Variants in EYA1 observed in about 807,000 individuals in gnomAD.
The protein encoded by EYA1 is EYA transcriptional coactivator and phosphatase 1, also known as protein phosphatase EYA1.
A neutral mutation model predicts 82.0 loss-of-function variants in EYA1; 16 were observed. The ratio of observed to expected loss-of-function variants is 0.20; its 90% CI spans 0.13 to 0.30. EYA1 has a LOEUF of 0.30. EYA1 is among the 10% of genes least tolerant of loss of function. The pLI is 1.00. For synonymous variants in EYA1, 261 were observed against 264.4 expected (o/e 0.99, Z 0.12); for missense variants, 633 against 730.7 (o/e 0.87, Z 1.54).
At chr8:71,443,485 T>C (rs901507661) in intron 2 of EYA1, among the ~76,000 whole-genome samples, 2 of 152,214 alleles carry the variant, frequency 1.3e-5, no homozygotes, top group African/African-American at 2.4e-5. Context: ...TTCGCTATGT[T>C]GGCCAGGATG....
chr8:71,319,682 T>A (rs1429382049), intron 6 of EYA1, among the ~76,000 whole-genome samples: 1 of 152,168 alleles, frequency 6.6e-6, no homozygotes, highest in African/African-American at 2.4e-5. Flanking sequence ...CAACCTTTTC[T>A]TACAGGGTCT....
chr8:71,494,002 G>A (rs1215058678), intron 2 of EYA1, among the ~76,000 whole-genome samples: 6 of 94,136 alleles, frequency 6.4e-5, no homozygotes, highest in African/African-American at 1.2e-4. Context: ...CAGCCTGGGC[G>A]ACAGAGCGAG....
chr8:71,485,056 C>G (rs1374957771), intron 2 of EYA1, among the ~76,000 whole-genome samples: 1 of 152,198 alleles, frequency 6.6e-6, no homozygotes, highest in Non-Finnish European at 1.5e-5. Flanking sequence ...GACAAAAACT[C>G]TAGGAGGATC....
rs548904999 is a variant in EYA1, at chr8:71,270,521, C to T, written c.967-698G>A. Among the ~76,000 whole-genome samples the T allele has an allele frequency of 1.1e-4, 16 of 152,258 alleles. No individual in the cohort carries two copies. In the South Asian group the frequency reaches 3.1e-3, roughly 30 times the overall value. Reference sequence around the variant, plus strand: ...GGGATACCACAAAAAGCCTATCAAGCCTGTTTTACTTCTTCCTATTCCCAC... The same window carrying T: ...GGGATACCACAAAAAGCCTATCAAGTCTGTTTTACTTCTTCCTATTCCCAC... On this transcript the variant is annotated intron_variant, in intron 10 of 17. Coordinates refer to ENST00000340726, the MANE Select transcript of EYA1 (RefSeq NM_000503.6).
chr8:71,263,610 GT>G (rs1221953286), intron 11 of EYA1, among the ~76,000 whole-genome samples: 5 of 152,152 alleles, frequency 3.3e-5, no homozygotes, highest in Admixed American at 1.3e-4. Context: ...TCATTGAATT[GT>G]CCCGGAAGGC....
Position 71,268,906 on chromosome 8 carries a change from T to C in EYA1, c.1050+834A>G, listed in dbSNP as rs183326789. ...AATTATGATAAACTGCTGAAGTCAC[T>C]GGGACATAATAAGAATTCAGTCTCT... is the stretch of plus-strand genomic sequence containing the variant. On this transcript the variant is annotated intron_variant, in intron 11 of 17. Transcript: ENST00000340726. 4.6e-5 allele frequency among the ~76,000 whole-genome samples: 7 copies of C among 152,308 alleles called. No individual in the cohort carries two copies. The East Asian group carries it at 1.2e-3, about 25-fold the overall frequency.
At chr8:71,409,081 G>A (rs1435691473) in intron 2 of EYA1, among the ~76,000 whole-genome samples, 10 of 105,832 alleles carry the variant, frequency 9.4e-5, no homozygotes, top group Non-Finnish European at 1.9e-4. Context: ...ACTCAAAGCC[G>A]CTCAACTACA....
At position 71,274,915 on chromosome 8, in the gene EYA1, A is replaced by C. The variant is rs868111342; in HGVS notation, c.827-3018T>G. 1.5e-4 allele frequency among the ~76,000 whole-genome samples: 23 copies of C among 151,572 alleles called. No individual in the cohort carries two copies. In the South Asian group the frequency reaches 4.0e-3, roughly 26 times the overall value. ...GAGAGAGAGAGAGTGAGCGAGCGAG[A>C]GAGAGAGAATGAGAGCGAGTGAACG... is the stretch of plus-strand genomic sequence containing the variant. On this transcript the variant is annotated intron_variant, in intron 9 of 17. Coordinates refer to ENST00000340726, the MANE Select transcript of EYA1 (RefSeq NM_000503.6).
At chr8:71,346,442 A>ATATC (rs1554561566) in intron 3 of EYA1, among the ~76,000 whole-genome samples, 194 of 134,434 alleles carry the variant, frequency 1.4e-3, no homozygotes, top group African/African-American at 5.8e-3. Context: ...ATATATATAT[A>ATATC]TATATATATA....
At chr8:71,461,649 C>A (rs1586763827) in intron 2 of EYA1, among the ~76,000 whole-genome samples, 1 of 152,140 alleles carries the variant, frequency 6.6e-6, no homozygotes, top group Non-Finnish European at 1.5e-5. Flanking sequence ...ACTCTTTTAG[C>A]CTCACCATTT....
intron 2 of EYA1, chr8:71,404,991 C>T (rs1235846154): frequency 6.9e-6 from 1 of 145,330 alleles, no homozygotes; most frequent in Non-Finnish European, 1.5e-5. Flanking sequence ...CCTTATTTTA[C>T]ATAGCCACAG....
At chr8:71,513,744 C>G (rs1586863022) in intron 2 of EYA1, among the ~76,000 whole-genome samples, 1 of 152,124 alleles carries the variant, frequency 6.6e-6, no homozygotes, top group East Asian at 1.9e-4. Flanking sequence ...CTCCCACCTC[C>G]TCTCCAGCTC....
intron 2 of EYA1, among the ~76,000 whole-genome samples, chr8:71,476,361 T>C (rs1809663670): frequency 6.6e-6 from 1 of 152,116 alleles, no homozygotes; most frequent in African/African-American, 2.4e-5. Context: ...CATTAATCCA[T>C]TAAAAATCAG....
At chr8:71,256,972 C>T (rs1012682769) in intron 11 of EYA1, among the ~76,000 whole-genome samples, 9 of 151,644 alleles carry the variant, frequency 5.9e-5, no homozygotes, top group African/African-American at 2.2e-4. Flanking sequence ...GCACTCCAGC[C>T]TGGGCAACAA....
At chr8:71,516,674 T>C (rs767230145) in intron 2 of EYA1, among the ~76,000 whole-genome samples, 1 of 152,058 alleles carries the variant, frequency 6.6e-6, no homozygotes, top group Non-Finnish European at 1.5e-5. Context: ...AAGAGAAGGG[T>C]GCATATGAGA....
Position 71,245,015 on chromosome 8 carries a change from G to A in EYA1, c.1051-323C>T, listed in dbSNP as rs116950892. On this transcript the variant is annotated intron_variant, in intron 11 of 17. Coordinates refer to ENST00000340726, the MANE Select transcript of EYA1 (RefSeq NM_000503.6). ...ATTCAACTTTTTATGTCTATTTCAG[G>A]AGCAAAAAATTCAGTGAATCAAGTA... is the stretch of plus-strand genomic sequence containing the variant. Among the ~76,000 whole-genome samples, 12 of 152,168 alleles carry A rather than the reference G, an allele frequency of 7.9e-5. No individual in the cohort carries two copies. The East Asian group carries it at 2.3e-3, about 29-fold the overall frequency.
chr8:71,547,673 C>T (rs1476995513), intron 1 of EYA1: 1 of 151,650 alleles, frequency 6.6e-6, no homozygotes, highest in Non-Finnish European at 1.5e-5. Context: ...CGCGGGCTCT[C>T]GGCCGCCGCC....
In EYA1 at chr8:71,545,558, C is replaced by CTT. The variant is rs34093503; in HGVS notation, c.-73+2304_-73+2305dup. Among the ~76,000 whole-genome samples, 219 of 100,348 alleles carry CTT rather than the reference C, an allele frequency of 2.2e-3. 1 individual carries two copies. The highest frequency in any genetic ancestry group is 2.8e-3 in the Non-Finnish European group (151 of 54,018). 65.8% of individuals were successfully genotyped at this position (100,348 alleles called of 152,430 possible). ...TTTTTTCATCGTTCTTATTTTGTTC[C>CTT]TTTTTTTTTTTTTTTTTTTTTGAGA... On this transcript the variant is annotated intron_variant, in intron 1 of 18. Coordinates refer to the EYA1 transcript ENST00000643681.
At chr8:71,395,806 A>G (rs1052481980) in intron 2 of EYA1, among the ~76,000 whole-genome samples, 4 of 152,300 alleles carry the variant, frequency 2.6e-5, no homozygotes, top group African/African-American at 9.6e-5. Context: ...TTGGCTTCAT[A>G]AAAAGAATTA....
Sources: gnomAD v4.1 joint callset for allele counts (sites outside exome capture counted in the v4.1 genomes callset) on GRCh38, gnomAD v4.1.1 for gene constraint, MANE v1.5 for transcripts, NCBI Gene and HGNC (gene_info 2026-07-23, HGNC 2026-07-21) for gene names.